DST: variants seen among roughly 807,000 people sequenced by gnomAD.
DST encodes dystonin.
Under a neutral mutation model 875.2 loss-of-function variants are expected in DST, and 253 were observed. The ratio of observed to expected loss-of-function variants is 0.29; its 90% CI spans 0.26 to 0.32. The LOEUF (loss-of-function observed/expected upper bound fraction) is 0.32, where lower values mean the gene tolerates loss of function less well. Among genes scored for constraint, DST ranks in the 10% least tolerant of loss-of-function variants. The pLI is 1.00. For synonymous variants in DST, 3,124 were observed against 3,197.1 expected, an observed-to-expected ratio of 0.98 and a Z score of 0.77; for missense variants, 8,287 against 9,111.6, an observed-to-expected ratio of 0.91 and a Z score of 3.68.
At chr6:56,869,322 G>A (rs988814899) in intron 3 of DST, among the ~76,000 whole-genome samples, 10 of 152,172 alleles carry the variant, frequency 6.6e-5, no homozygotes, top group African/African-American at 2.4e-4. Context: ...AATTCTTAGA[G>A]GCTAGAGCAA....
Position 56,494,179 on chromosome 6 carries a change from T to C in DST, c.20225A>G (p.Glu6742Gly). Residue 6742 changes from glutamate to glycine, a missense_variant and splice_region_variant, in exon 83 of 104, where the codon GAA becomes GGA. Transcript: ENST00000680361. Reference sequence around the variant, plus strand: ...TTTAGCTTCAAAGGCAGCACAGACTTCCTAAATTGAGATACCCTCAAGTTA... The same window carrying C: ...TTTAGCTTCAAAGGCAGCACAGACTCCCTAAATTGAGATACCCTCAAGTTA... ...TAKEQLNVHMEVCAAFEAKEE... is the reference protein window; with the variant it reads ...TAKEQLNVHMGVCAAFEAKEE... The C allele has an allele frequency of 6.3e-7, 1 of 1,595,612 alleles. No homozygotes were observed. The highest frequency in any genetic ancestry group is 8.5e-7 in the Non-Finnish European group (1 of 1,169,958).
At chr6:56,541,100 A>G (rs2097119371) in intron 61 of DST, 1 of 152,624 alleles carries the variant, frequency 6.6e-6, no homozygotes, top group Non-Finnish European at 1.5e-5. Context: ...AGCAGGTTCA[A>G]CAAAAGAGCT....
intron 2 of DST, among the ~76,000 whole-genome samples, chr6:56,916,357 T>G (rs1800919462): frequency 6.6e-6 from 1 of 152,174 alleles, no homozygotes; most frequent in Admixed American, 6.5e-5. Context: ...CTACAAAGTA[T>G]TGGACCTTCA....
intron 2 of DST, among the ~76,000 whole-genome samples, chr6:56,914,089 A>G (rs1256269212): frequency 6.6e-6 from 1 of 151,952 alleles, no homozygotes; most frequent in African/African-American, 2.4e-5. Context: ...CTACACTCTT[A>G]TTTTTTCTTA....
intron 3 of DST, among the ~76,000 whole-genome samples, chr6:56,892,272 C>G (rs1182306926): frequency 6.6e-6 from 1 of 151,080 alleles, no homozygotes; most frequent in Non-Finnish European, 1.5e-5. Flanking sequence ...AGCACTTTTG[C>G]TTACTCCACT....
At chr6:56,774,524 G>A (rs1371065174) in intron 4 of DST, among the ~76,000 whole-genome samples, 2 of 152,106 alleles carry the variant, frequency 1.3e-5, no homozygotes, top group Non-Finnish European at 2.9e-5. Flanking sequence ...CTCTTTTACT[G>A]CCATCTTGAA....
intron 9 of DST, among the ~76,000 whole-genome samples, chr6:56,687,618 C>T (rs1226947164): frequency 6.6e-6 from 1 of 152,128 alleles, no homozygotes; most frequent in Non-Finnish European, 1.5e-5. Context: ...ATTCACATCA[C>T]TTGACACTAC....
intron 4 of DST, among the ~76,000 whole-genome samples, chr6:56,744,603 C>A (rs2099565983): frequency 6.6e-6 from 1 of 152,130 alleles, no homozygotes; most frequent in Non-Finnish European, 1.5e-5. Context: ...AAAAGATGGA[C>A]AATGGATGGT....
chr6:56,668,855 T>G (rs1344216265), intron 10 of DST, among the ~76,000 whole-genome samples: 1 of 151,134 alleles, frequency 6.6e-6, no homozygotes, highest in South Asian at 2.1e-4. Flanking sequence ...TTTTAGACAT[T>G]GAAATTTCCA....
chr6:56,852,928 C>A (rs933705404), intron 3 of DST, among the ~76,000 whole-genome samples: 1 of 152,220 alleles, frequency 6.6e-6, no homozygotes, highest in Non-Finnish European at 1.5e-5. Context: ...AACACTCACC[C>A]TAGGTACGTG....
intron 61 of DST, among the ~76,000 whole-genome samples, chr6:56,537,244 G>T (rs964296960): frequency 7.2e-5 from 11 of 152,176 alleles, no homozygotes; most frequent in African/African-American, 2.4e-4. Flanking sequence ...CATTATCATA[G>T]GATGAAAATG....
chr6:56,702,373 C>G (rs900780181), intron 7 of DST, among the ~76,000 whole-genome samples: 3 of 150,054 alleles, frequency 2.0e-5, no homozygotes, highest in Admixed American at 2.0e-4. Flanking sequence ...GTTTTTATAA[C>G]TGTATATACA....
intron 9 of DST, among the ~76,000 whole-genome samples, chr6:56,689,390 C>A (rs984314712): frequency 2.0e-5 from 3 of 152,086 alleles, no homozygotes; most frequent in Non-Finnish European, 4.4e-5. Flanking sequence ...TATCAGAAAA[C>A]CTACATTAAG....
chr6:56,936,645 T>TGG (rs1813148009), intron 2 of DST, among the ~76,000 whole-genome samples: 1 of 152,154 alleles, frequency 6.6e-6, no homozygotes, highest in Non-Finnish European at 1.5e-5. Context: ...TTTATCTTCC[T>TGG]TCCTGGATGC....
chr6:56,592,497 C>A, intron 48 of DST, 139 bp from the exon 49 acceptor site: 1 of 726,910 alleles, frequency 1.4e-6, no homozygotes. Context: ...CTCTGTTGGG[C>A]TAAGATTTCC....
chr6:56,463,425 T>C, intron 101 of DST, 140 bp downstream of exon 101: 1 of 863,806 alleles, frequency 1.2e-6, no homozygotes, highest in Non-Finnish European at 1.7e-6. Context: ...AAAAAATTCC[T>C]GTATTTCCCA....
chr6:56,816,395 C>G (rs767078819), intron 4 of DST, among the ~76,000 whole-genome samples: 1 of 152,110 alleles, frequency 6.6e-6, no homozygotes, highest in African/African-American at 2.4e-5. Flanking sequence ...TTTCTACAGC[C>G]CCTTTAATAT....
At chr6:56,832,169 T>C (rs974059564) in intron 4 of DST, among the ~76,000 whole-genome samples, 2 of 152,132 alleles carry the variant, frequency 1.3e-5, no homozygotes, top group East Asian at 1.9e-4. Context: ...ACATTATCTA[T>C]AGTAGTTAAA....
In DST at chr6:56,482,133, C is replaced by A. The variant is rs1393774391; in HGVS notation, c.21448G>T (p.Ala7150Ser). ...SVVHALLEWL[A>S]EAEQTLRFHG... ...AAACGCAGGGTTTGCTCCGCCTCAGCCAGCCACTCCAAGAGGGCATGTACC... is the reference window on the plus strand; with the variant it reads ...AAACGCAGGGTTTGCTCCGCCTCAGACAGCCACTCCAAGAGGGCATGTACC... Residue 7150 changes from alanine to serine, a missense_variant, in exon 90 of 104, where the codon GCT becomes TCT. By Grantham distance (99) the Ala-to-Ser change is moderately conservative. Transcript: ENST00000680361. The A allele has an allele frequency of 4.3e-6, 7 of 1,613,678 alleles. No individual in the cohort carries two copies. Among genetic ancestry groups the A allele is most frequent in the Non-Finnish European group, 5.9e-6 (7 of 1,179,764 alleles).
Sources: gnomAD v4.1 joint callset for allele counts (sites outside exome capture counted in the v4.1 genomes callset) on GRCh38, gnomAD v4.1.1 for gene constraint, MANE v1.5 for transcripts, NCBI Gene and HGNC (gene_info 2026-07-23, HGNC 2026-07-21) for gene names.